The following TAFA5 variants were observed in gnomAD, a reference collection of about 807,000 sequenced individuals.
TAFA5 encodes the protein TAFA chemokine like family member 5, also known as chemokine-like protein TAFA-5.
TAFA5 carries 6 observed loss-of-function variants against 15.3 expected under a neutral mutation model. The ratio of observed to expected loss-of-function variants is 0.39; its 90% CI spans 0.21 to 0.77. The LOEUF is 0.77. Ranked by LOEUF, TAFA5 falls within the 30% of genes least tolerant of loss-of-function variation. The pLI, the probability that TAFA5 is intolerant of heterozygous loss-of-function variation, is 0.41. For missense variants in TAFA5, 161 were observed against 193.1 expected (o/e 0.83, Z 0.98); for synonymous variants, 103 against 80.7 (o/e 1.28, Z -1.48).
intron 1 of TAFA5, among the ~76,000 whole-genome samples, chr22:48,510,603 C>A (rs757580906): frequency 6.6e-6 from 1 of 152,220 alleles, no homozygotes; most frequent in African/African-American, 2.4e-5. Flanking sequence ...TAGGGCAATG[C>A]TGTATTCTGG....
Position 48,750,653 on chromosome 22 carries a change from C to T in TAFA5, c.*806C>T, listed in dbSNP as rs1019923199. 2 of 153,022 alleles carry T rather than the reference C, an allele frequency of 1.3e-5. No homozygotes were observed. Among genetic ancestry groups the T allele is most frequent in the East Asian group, 1.9e-4 (1 of 5,192 alleles). The allele number at this position is 153,022 out of a possible 1,614,324, so 9.5% of individuals were successfully genotyped here. A position where few individuals can be genotyped will look rare whatever the true frequency, so the allele number is the denominator to read the frequency against. The stretch of plus-strand genomic sequence containing the variant: ...TTCTGTTTTAACCAGTTAAACATGC[C>T]TCTTCTACAGCTCCATTTTTGATAG... On this transcript the variant is annotated 3_prime_UTR_variant, in exon 4 of 4. Transcript: ENST00000402357.
intron 2 of TAFA5, among the ~76,000 whole-genome samples, chr22:48,672,257 T>G (rs1355248852): frequency 1.3e-5 from 2 of 152,258 alleles, no homozygotes; most frequent in South Asian, 2.1e-4. Flanking sequence ...ATACTTCTGC[T>G]GCTTGCATCT....
chr22:48,570,754 G>A (rs1282930819), intron 1 of TAFA5, among the ~76,000 whole-genome samples: 1 of 152,140 alleles, frequency 6.6e-6, no homozygotes, highest in Non-Finnish European at 1.5e-5. Context: ...ATTAATTTGT[G>A]TACATGTTGG....
At chr22:48,663,655 T>G (rs76441172) in intron 2 of TAFA5, among the ~76,000 whole-genome samples, 3 of 152,236 alleles carry the variant, frequency 2.0e-5, no homozygotes, top group African/African-American at 7.2e-5. Context: ...AATTTGTAAG[T>G]TTTAAATTGC....
At chr22:48,512,590 C>T (rs1921254885) in intron 1 of TAFA5, among the ~76,000 whole-genome samples, 1 of 151,444 alleles carries the variant, frequency 6.6e-6, no homozygotes, top group Admixed American at 6.6e-5. Context: ...CACACCACTG[C>T]ACTCCAGCCT....
intron 2 of TAFA5, among the ~76,000 whole-genome samples, chr22:48,701,230 C>T (rs75588716): frequency 0.043 from 6,610 of 152,220 alleles, 441 homozygotes; most frequent in African/African-American, 0.14. Flanking sequence ...ACCTTTGCAG[C>T]CGGACCTAGA....
intron 1 of TAFA5, among the ~76,000 whole-genome samples, chr22:48,523,772 G>GA: frequency 6.6e-6 from 1 of 152,346 alleles, no homozygotes; most frequent in African/African-American, 2.4e-5. Context: ...TGGGAAGCCT[G>GA]ACCCCAACAG....
At chr22:48,498,243 C>T (rs1368235918) in intron 1 of TAFA5, among the ~76,000 whole-genome samples, 4 of 62,554 alleles carry the variant, frequency 6.4e-5, no homozygotes, top group Non-Finnish European at 1.2e-4. Context: ...GGCTGGGGGC[C>T]TGAAGGCGGG....
chr22:48,670,773 G>T (rs914720819), intron 2 of TAFA5, among the ~76,000 whole-genome samples: 2 of 152,202 alleles, frequency 1.3e-5, no homozygotes, highest in Non-Finnish European at 2.9e-5. Flanking sequence ...CACCTCCTCA[G>T]TTGTGTGAGG....
At chr22:48,650,444 A>G (rs1450635047) in intron 2 of TAFA5, among the ~76,000 whole-genome samples, 10 of 152,134 alleles carry the variant, frequency 6.6e-5, no homozygotes, top group African/African-American at 2.4e-4. Context: ...GGGAATTCAG[A>G]CTGGGGCCCC....
chr22:48,672,960 G>A (rs1319554041), intron 2 of TAFA5, among the ~76,000 whole-genome samples: 4 of 152,092 alleles, frequency 2.6e-5, no homozygotes, highest in Admixed American at 6.5e-5. Context: ...CCTGGATGCC[G>A]AGTCCTGAGT....
At chr22:48,542,584 G>A (rs1417464220) in intron 1 of TAFA5, among the ~76,000 whole-genome samples, 9 of 120,498 alleles carry the variant, frequency 7.5e-5, no homozygotes, top group Admixed American at 2.6e-4. Flanking sequence ...GTGTGTGTGC[G>A]GGTGTGTGGT....
intron 2 of TAFA5, among the ~76,000 whole-genome samples, chr22:48,680,184 A>G (rs1467666327): frequency 6.6e-6 from 1 of 151,946 alleles, no homozygotes; most frequent in Non-Finnish European, 1.5e-5. Context: ...CTCACCCCAG[A>G]CCCCAGGCCC....
chr22:48,640,818 G>T (rs1926645666), intron 1 of TAFA5, among the ~76,000 whole-genome samples: 5 of 152,062 alleles, frequency 3.3e-5, no homozygotes, highest in Admixed American at 3.3e-4. Flanking sequence ...TGTTGGTGGG[G>T]GTCTGCCCTA....
intron 3 of TAFA5, among the ~76,000 whole-genome samples, chr22:48,720,618 C>T (rs970037723): frequency 2.0e-5 from 3 of 152,208 alleles, no homozygotes; most frequent in East Asian, 1.9e-4. Context: ...TATGCAGGTG[C>T]GGGGAGCCTG....
At chr22:48,637,558 C>T (rs1926494722) in intron 1 of TAFA5, among the ~76,000 whole-genome samples, 1 of 152,186 alleles carries the variant, frequency 6.6e-6, no homozygotes, top group African/African-American at 2.4e-5. Flanking sequence ...AGCAAAGTGC[C>T]TTTACCCCTG....
intron 1 of TAFA5, among the ~76,000 whole-genome samples, chr22:48,585,507 T>C (rs1483966608): frequency 7.2e-6 from 1 of 139,292 alleles, no homozygotes; most frequent in East Asian, 2.2e-4. Context: ...ACATACACCA[T>C]ACAAACTAGA....
At chr22:48,607,190 C>T (rs1365793943) in intron 1 of TAFA5, among the ~76,000 whole-genome samples, 1 of 151,816 alleles carries the variant, frequency 6.6e-6, no homozygotes. Context: ...CTGATTAGGG[C>T]TGGCCCACCC....
chr22:48,671,597 C>G (rs889437608), intron 2 of TAFA5, among the ~76,000 whole-genome samples: 6 of 152,144 alleles, frequency 3.9e-5, no homozygotes, highest in African/African-American at 1.4e-4. Flanking sequence ...GGAGAGGAAC[C>G]TGCCATCCCA....
Sources: gnomAD v4.1 joint callset for allele counts (sites outside exome capture counted in the v4.1 genomes callset) on GRCh38, gnomAD v4.1.1 for gene constraint, MANE v1.5 for transcripts, NCBI Gene and HGNC (gene_info 2026-07-23, HGNC 2026-07-21) for gene names.